The following RBFOX1 variants were observed in gnomAD, a reference collection of about 807,000 sequenced individuals.
RBFOX1 encodes the protein RNA binding protein fox-1 homolog 1.
A neutral mutation model predicts 57.7 loss-of-function variants in RBFOX1; 8 were observed. That is an observed-to-expected ratio of 0.14 (90% CI 0.08 to 0.25). The LOEUF is 0.25. RBFOX1 is among the 10% of genes least tolerant of loss of function. The probability of loss-of-function intolerance (pLI) is 1.00; values close to 1 mark genes in which losing one functional copy is unlikely to be tolerated. For missense variants in RBFOX1, 611 were observed against 548.5 expected (o/e 1.11, Z -1.14); for synonymous variants, 326 against 222.4 (o/e 1.47, Z -4.15).
intron 1 of RBFOX1, among the ~76,000 whole-genome samples, chr16:5,317,489 A>G (rs924985055): frequency 2.6e-5 from 4 of 152,166 alleles, no homozygotes; most frequent in Admixed American, 6.5e-5. Context: ...CACGCCTGCA[A>G]TCTCAGCTAC....
At chr16:5,579,237 T>C (rs1036581827) in intron 2 of RBFOX1, among the ~76,000 whole-genome samples, 2 of 152,068 alleles carry the variant, frequency 1.3e-5, no homozygotes, top group Non-Finnish European at 2.9e-5. Flanking sequence ...GCTCAGTAAA[T>C]AGTGCAGGTA....
intron 15 of RBFOX1, chr16:7,710,338 G>C (rs140736977): frequency 2.1e-5 from 26 of 1,250,948 alleles, no homozygotes; most frequent in African/African-American, 1.6e-5. Context: ...ATAAAAAAAT[G>C]AGACAGTGAA....
intron 2 of RBFOX1, among the ~76,000 whole-genome samples, chr16:6,592,821 G>C (rs930358776): frequency 1.3e-5 from 2 of 152,266 alleles, no homozygotes; most frequent in African/African-American, 4.8e-5. Flanking sequence ...CTGGATTCCA[G>C]TTCTATTCAT....
At chr16:6,738,328 G>C (rs1015504802) in intron 3 of RBFOX1, among the ~76,000 whole-genome samples, 4 of 152,054 alleles carry the variant, frequency 2.6e-5, no homozygotes, top group African/African-American at 9.7e-5. Flanking sequence ...ATGAAGCCTG[G>C]AGTACTCCCT....
At position 6,947,977 on chromosome 16, in the gene RBFOX1, T is replaced by C. The variant is rs180911109; in HGVS notation, c.-15-104080T>C. On this transcript the variant is annotated intron_variant, in intron 3 of 15. Transcript: ENST00000550418. ...TTTTTTAAATAGAGACAGGCTCTTA[T>C]CACGTTTGCCAGGTTGGTCTCAAAC... is the stretch of plus-strand genomic sequence containing the variant. 5.0e-4 allele frequency among the ~76,000 whole-genome samples: 76 copies of C among 152,180 alleles called. 1 individual carries two copies. In the East Asian group the frequency reaches 5.0e-3, roughly 10 times the overall value.
intron 1 of RBFOX1, among the ~76,000 whole-genome samples, chr16:6,240,067 T>G (rs2097532275): frequency 6.6e-6 from 1 of 152,054 alleles, no homozygotes; most frequent in Admixed American, 6.6e-5. Context: ...ATCTGGTCAT[T>G]TAAACGCATC....
intron 2 of RBFOX1, among the ~76,000 whole-genome samples, chr16:6,442,440 C>G (rs543471454): frequency 6.6e-6 from 1 of 151,972 alleles, no homozygotes; most frequent in Non-Finnish European, 1.5e-5. Context: ...GCCTGTAATC[C>G]CAGCTACTCA....
chr16:7,307,714 A>G (rs2096223433), intron 4 of RBFOX1, among the ~76,000 whole-genome samples: 1 of 152,232 alleles, frequency 6.6e-6, no homozygotes. Flanking sequence ...GTACTCACAT[A>G]GGAACACACA....
intron 2 of RBFOX1, among the ~76,000 whole-genome samples, chr16:6,581,329 G>A (rs2097534536): frequency 6.6e-6 from 1 of 152,138 alleles, no homozygotes; most frequent in African/African-American, 2.4e-5. Flanking sequence ...CATGAACCCA[G>A]CACCCTTGCC....
intron 3 of RBFOX1, among the ~76,000 whole-genome samples, chr16:5,742,854 A>G (rs992739430): frequency 1.3e-5 from 2 of 152,220 alleles, no homozygotes; most frequent in Non-Finnish European, 2.9e-5. Flanking sequence ...GCTAGCTTGA[A>G]GAACTTCATT....
chr16:5,650,376 G>A (rs1438609078), intron 3 of RBFOX1, among the ~76,000 whole-genome samples: 2 of 151,778 alleles, frequency 1.3e-5, no homozygotes, highest in East Asian at 3.9e-4. Context: ...GAGCCCCGTC[G>A]AGGGCCTCCT....
At chr16:7,553,320 T>A (rs1433890213) in intron 5 of RBFOX1, among the ~76,000 whole-genome samples, 2 of 151,968 alleles carry the variant, frequency 1.3e-5, no homozygotes, top group African/African-American at 4.8e-5. Flanking sequence ...ATTTTTAAAA[T>A]TTTCTGTAGA....
At chr16:7,527,398 A>T (rs1221831001) in intron 5 of RBFOX1, among the ~76,000 whole-genome samples, 5 of 152,164 alleles carry the variant, frequency 3.3e-5, no homozygotes, top group African/African-American at 4.8e-5. Flanking sequence ...GATTTATCCC[A>T]ACTTAGGATA....
chr16:7,363,637 C>T (rs901389043), intron 4 of RBFOX1, among the ~76,000 whole-genome samples: 4 of 152,166 alleles, frequency 2.6e-5, no homozygotes, highest in Non-Finnish European at 5.9e-5. Context: ...AACCTTTAAA[C>T]ACACTGGGAC....
intron 1 of RBFOX1, among the ~76,000 whole-genome samples, chr16:5,313,396 G>A (rs1188867466): frequency 3.3e-5 from 5 of 152,150 alleles, no homozygotes; most frequent in Non-Finnish European, 7.3e-5. Context: ...TCTTTGGGAG[G>A]TTAGTCTGGA....
chr16:5,390,073 C>T (rs1034194637), intron 1 of RBFOX1, among the ~76,000 whole-genome samples: 1 of 152,076 alleles, frequency 6.6e-6, no homozygotes, highest in Non-Finnish European at 1.5e-5. Context: ...TGAAGTATGA[C>T]ATGCCTACAG....
chr16:7,272,840 C>T lies in RBFOX1; in HGVS notation c.27+220742C>T, dbSNP rs573906100. 1.8e-3 allele frequency among the ~76,000 whole-genome samples: 259 copies of T among 146,776 alleles called. 3 individuals are homozygous for T. The highest frequency in any genetic ancestry group is 6.4e-3 in the African/African-American group (257 of 40,036). ...TTTAAAATCCTCTCCTCCCTCCCCT[C>T]CCTCCCTTCCCTTCTTCCCTTCCGT... On this transcript the variant is annotated intron_variant, in intron 4 of 15. Coordinates refer to ENST00000550418, the MANE Select transcript of RBFOX1 (RefSeq NM_018723.4).
chr16:7,050,938 C>T (rs556546305), intron 3 of RBFOX1, among the ~76,000 whole-genome samples: 1 of 152,004 alleles, frequency 6.6e-6, no homozygotes, highest in East Asian at 1.9e-4. Flanking sequence ...ATTTGGGGCT[C>T]TGGTGCATCC....
chr16:6,039,600 C>T (rs1290938252), intron 1 of RBFOX1, among the ~76,000 whole-genome samples: 1 of 152,142 alleles, frequency 6.6e-6, no homozygotes, highest in Non-Finnish European at 1.5e-5. Flanking sequence ...GCTTCTGCAA[C>T]AGTGATTCCT....
Sources: allele counts gnomAD v4.1 joint callset (sites outside exome capture counted in the v4.1 genomes callset), GRCh38; gene constraint gnomAD v4.1.1; transcripts MANE v1.5; gene names NCBI Gene and HGNC (gene_info 2026-07-23, HGNC 2026-07-21).